ADAM22: variants seen among roughly 807,000 people sequenced by gnomAD.
ADAM22 encodes ADAM metallopeptidase domain 22.
Under a neutral mutation model 144.6 loss-of-function variants are expected in ADAM22, and 65 were observed. The ratio of observed to expected loss-of-function variants is 0.45; its 90% CI spans 0.37 to 0.55. The LOEUF is 0.55. Ranked by LOEUF, ADAM22 falls within the 20% of genes least tolerant of loss-of-function variation. The pLI, the probability that ADAM22 is intolerant of heterozygous loss-of-function variation, is 0.00. For missense variants in ADAM22, 974 were observed against 1,184.9 expected (o/e 0.82, Z 2.61); for synonymous variants, 391 against 412.6 (o/e 0.95, Z 0.63).
At chr7:88,084,047 G>A (rs909700980) in intron 4 of ADAM22, among the ~76,000 whole-genome samples, 2 of 152,130 alleles carry the variant, frequency 1.3e-5, no homozygotes, top group Admixed American at 1.3e-4. Context: ...TTAAATTAAA[G>A]AGGAAAGGAA....
chr7:88,012,485 C>T (rs1020510304), intron 3 of ADAM22, among the ~76,000 whole-genome samples: 2 of 152,166 alleles, frequency 1.3e-5, no homozygotes, highest in Non-Finnish European at 1.5e-5. Context: ...TGATGTTAAT[C>T]TGGCTAGTTG....
intron 2 of ADAM22, among the ~76,000 whole-genome samples, chr7:87,937,724 T>C (rs1841570934): frequency 6.6e-6 from 1 of 152,208 alleles, no homozygotes; most frequent in Non-Finnish European, 1.5e-5. Flanking sequence ...GCAATAAACA[T>C]CACAATAGAG....
At chr7:88,051,590 T>C (rs955925963) in intron 3 of ADAM22, among the ~76,000 whole-genome samples, 3 of 152,040 alleles carry the variant, frequency 2.0e-5, no homozygotes, top group Non-Finnish European at 2.9e-5. Flanking sequence ...TTAGGAGATA[T>C]ACCTAATGTA....
chr7:88,015,157 A>G (rs1796286393), intron 3 of ADAM22, among the ~76,000 whole-genome samples: 1 of 152,230 alleles, frequency 6.6e-6, no homozygotes, highest in Non-Finnish European at 1.5e-5. Context: ...TCTGAAGAAG[A>G]CAATGAAAAG....
intron 5 of ADAM22, among the ~76,000 whole-genome samples, chr7:88,113,705 T>TAAATAAATAA (rs67396318): frequency 2.8e-4 from 19 of 67,126 alleles, no homozygotes; most frequent in African/African-American, 4.6e-4. Context: ...AATAAATAAA[T>TAAATAAATAA]ATATATATAT....
intron 3 of ADAM22, among the ~76,000 whole-genome samples, chr7:88,053,082 G>C (rs1806961592): frequency 6.6e-6 from 1 of 151,920 alleles, no homozygotes; most frequent in South Asian, 2.1e-4. Flanking sequence ...ATCTATTATT[G>C]CATTTATTGT....
intron 3 of ADAM22, among the ~76,000 whole-genome samples, chr7:88,049,503 A>G (rs1805615924): frequency 6.6e-6 from 1 of 152,158 alleles, no homozygotes; most frequent in African/African-American, 2.4e-5. Context: ...GATTCAAGCA[A>G]TTCTCCTGCC....
intron 3 of ADAM22, among the ~76,000 whole-genome samples, chr7:88,038,139 C>T (rs962228669): frequency 6.6e-6 from 1 of 152,164 alleles, no homozygotes; most frequent in Non-Finnish European, 1.5e-5. Flanking sequence ...TGACTTTTAG[C>T]ATTCTCCATG....
chr7:88,162,467 T>G (rs945537524), intron 22 of ADAM22, among the ~76,000 whole-genome samples: 13 of 152,126 alleles, frequency 8.5e-5, no homozygotes, highest in African/African-American at 2.9e-4. Context: ...ATCCTGCACA[T>G]GTACCCCTGA....
At chr7:88,100,327 C>T (rs1220770125) in intron 4 of ADAM22, among the ~76,000 whole-genome samples, 1 of 151,936 alleles carries the variant, frequency 6.6e-6, no homozygotes, top group African/African-American at 2.4e-5. Flanking sequence ...ATTTTTTTGA[C>T]AGGAACTGAT....
rs1850916298 is a variant in ADAM22 at position 88,198,613 on chromosome 7, AAG to A, written c.*2125_*2126del. The A allele has an allele frequency of 6.6e-6, 1 of 152,214 alleles. No homozygotes were observed. The highest frequency in any genetic ancestry group is 6.5e-5 in the Admixed American group (1 of 15,284). The allele number at this position is 152,214 out of a possible 1,614,324, so 9.4% of individuals were successfully genotyped here. ...GCTATAAGGTTTATTTTGACTATAAAAGAGTTTATAGATTTGAATATAAGGTG... is the reference window on the plus strand; with the variant it reads ...GCTATAAGGTTTATTTTGACTATAAAAGTTTATAGATTTGAATATAAGGTG... On this transcript the variant is annotated 3_prime_UTR_variant, in exon 32 of 32. Coordinates refer to ENST00000413139, the MANE Select transcript of ADAM22 (RefSeq NM_001324418.2).
chr7:88,005,337 G>C (rs763186787), intron 3 of ADAM22, among the ~76,000 whole-genome samples: 3 of 152,148 alleles, frequency 2.0e-5, no homozygotes, highest in Non-Finnish European at 4.4e-5. Flanking sequence ...GAGCATTCTG[G>C]GCATTGCAGG....
chr7:88,027,880 T>G (rs1239354794), intron 3 of ADAM22, among the ~76,000 whole-genome samples: 1 of 151,684 alleles, frequency 6.6e-6, no homozygotes, highest in Non-Finnish European at 1.5e-5. Context: ...CAACCCTACC[T>G]CCCAGGTTCA....
intron 7 of ADAM22, among the ~76,000 whole-genome samples, chr7:88,117,302 T>A (rs1026792877): frequency 6.6e-6 from 1 of 152,236 alleles, no homozygotes; most frequent in Non-Finnish European, 1.5e-5. Context: ...CTAGGTTAAT[T>A]TTAAGAGTGT....
chr7:88,081,000 C>A (rs1056285340), intron 4 of ADAM22, among the ~76,000 whole-genome samples: 3 of 152,166 alleles, frequency 2.0e-5, no homozygotes. Context: ...ATGAGGCCAG[C>A]ATCATCCTGA....
At chr7:88,053,740 G>T (rs1807345146) in intron 3 of ADAM22, among the ~76,000 whole-genome samples, 1 of 152,036 alleles carries the variant, frequency 6.6e-6, no homozygotes, top group Non-Finnish European at 1.5e-5. Flanking sequence ...CTTTTTAAGG[G>T]CTACATAGTA....
chr7:87,964,726 A>G, intron 2 of ADAM22: 1 of 367,460 alleles, frequency 2.7e-6, no homozygotes, highest in South Asian at 2.1e-5. Context: ...TTTGGATGTT[A>G]GTATTTTCTC....
At chr7:88,109,572 A>G (rs2129487976) in intron 5 of ADAM22, among the ~76,000 whole-genome samples, 1 of 152,242 alleles carries the variant, frequency 6.6e-6, no homozygotes, top group Non-Finnish European at 1.5e-5. Context: ...TCATCTAACA[A>G]GCAGTTACTG....
chr7:88,048,014 A>C (rs563473837), intron 3 of ADAM22, among the ~76,000 whole-genome samples: 1 of 152,150 alleles, frequency 6.6e-6, no homozygotes, highest in African/African-American at 2.4e-5. Flanking sequence ...CTTCTCTGCC[A>C]CTGGAATACC....
Sources: allele counts gnomAD v4.1 joint callset (sites outside exome capture counted in the v4.1 genomes callset), GRCh38; gene constraint gnomAD v4.1.1; transcripts MANE v1.5; gene names NCBI Gene and HGNC (gene_info 2026-07-23, HGNC 2026-07-21).